DNAH6: variants seen among roughly 807,000 people sequenced by gnomAD.
The protein encoded by DNAH6 is dynein axonemal heavy chain 6, also known as axonemal beta dynein heavy chain 6.
A neutral mutation model predicts 491.4 loss-of-function variants in DNAH6; 340 were observed. The observed-to-expected ratio is 0.69, with a 90% confidence interval of 0.63 to 0.76. The LOEUF (loss-of-function observed/expected upper bound fraction) is 0.76. DNAH6 is among the 30% of genes least tolerant of loss of function. The pLI, the probability that DNAH6 is intolerant of heterozygous loss-of-function variation, is 0.00. For synonymous variants in DNAH6, 1,603 were observed against 1,686.1 expected (o/e 0.95, Z 1.21); for missense variants, 4,443 against 4,972.2 (o/e 0.89, Z 3.20).
At chr2:84,740,720 G>A (rs1335188001) in intron 62 of DNAH6, among the ~76,000 whole-genome samples, 3 of 152,146 alleles carry the variant, frequency 2.0e-5, no homozygotes, top group Non-Finnish European at 2.9e-5. Context: ...GGGACACCCC[G>A]TTATGACCCA....
chr2:84,585,577 A>G (rs1683452511), intron 15 of DNAH6, among the ~76,000 whole-genome samples: 3 of 152,036 alleles, frequency 2.0e-5, no homozygotes, highest in Admixed American at 2.0e-4. Context: ...AGGTTGTCCC[A>G]TCATCTCTGC....
intron 11 of DNAH6, among the ~76,000 whole-genome samples, chr2:84,560,734 T>A (rs1680583758): frequency 6.6e-6 from 1 of 152,164 alleles, no homozygotes; most frequent in Admixed American, 6.5e-5. Flanking sequence ...CTTGTGATAG[T>A]TTACTGAGAA....
upstream of DNAH6, among the ~76,000 whole-genome samples, chr2:84,514,785 T>C (rs570739747): frequency 1.3e-5 from 2 of 152,148 alleles, no homozygotes; most frequent in African/African-American, 4.8e-5. Context: ...TGGAGAGATT[T>C]GATGAGTAGT....
At chr2:84,516,460 C>T (rs935103628), upstream of DNAH6, 1 of 152,196 alleles carries the variant, frequency 6.6e-6, no homozygotes, top group Non-Finnish European at 1.5e-5. Context: ...GCAGTGCTTC[C>T]GTAGAGGCCA....
chr2:84,538,463 A>G (rs1407293406), intron 4 of DNAH6, among the ~76,000 whole-genome samples: 2 of 152,186 alleles, frequency 1.3e-5, no homozygotes, highest in South Asian at 2.1e-4. Flanking sequence ...TCTAACAGAT[A>G]GTTCAGATTG....
Position 84,756,463 on chromosome 2 carries a change from C to A in DNAH6, c.10513-6292C>A, listed in dbSNP as rs73943392. On this transcript the variant is annotated intron_variant, in intron 63 of 76. Coordinates refer to ENST00000389394, the MANE Select transcript of DNAH6 (RefSeq NM_001370.2). ...TCCACTTAACATTCTCTTATTTTTT[C>A]TGTAGGTCTCAGGAACTTGAGTATG... Among the ~76,000 whole-genome samples, 1,008 of 152,206 alleles carry A rather than the reference C, an allele frequency of 6.6e-3. 12 individuals are homozygous for A. Among genetic ancestry groups the A allele is most frequent in the African/African-American group, 0.024 (981 of 41,514 alleles).
At chr2:84,782,984 T>G (rs1415526720) in intron 65 of DNAH6, among the ~76,000 whole-genome samples, 2 of 152,196 alleles carry the variant, frequency 1.3e-5, no homozygotes, top group Non-Finnish European at 2.9e-5. Flanking sequence ...GTATTTTAAG[T>G]GCTTACTAAA....
chr2:84,617,794 G>T (rs1276836169), intron 23 of DNAH6, among the ~76,000 whole-genome samples: 1 of 152,076 alleles, frequency 6.6e-6, no homozygotes, highest in African/African-American at 2.4e-5. Context: ...GGGGATGCAT[G>T]TTAAGCTCTC....
chr2:84,703,565 A>G lies in DNAH6; in HGVS notation c.8229+3A>G, dbSNP rs1384464251. The G allele has an allele frequency of 2.6e-6, 4 of 1,546,114 alleles. No homozygotes were observed. Among genetic ancestry groups the G allele is most frequent in the African/African-American group, 1.4e-5 (1 of 72,842 alleles). On this transcript the variant is annotated splice_donor_region_variant and intron_variant, in intron 50 of 76. Coordinates refer to ENST00000389394, the MANE Select transcript of DNAH6 (RefSeq NM_001370.2). ...TGGATCAAGAAAGTGCCGATCAGGT[A>G]TGCTGCAGTTCCTGAGAATGTGGAA...
Position 84,685,404 on chromosome 2 carries a change from T to G in DNAH6, c.6995T>G (p.Val2332Gly), listed in dbSNP as rs747601160. 5.6e-5 allele frequency: 85 copies of G among 1,527,378 alleles called. No individual in the cohort carries two copies. Among genetic ancestry groups the G allele is most frequent in the Non-Finnish European group, 7.2e-5 (82 of 1,131,918 alleles). The allele number at this position is 1,527,378 out of a possible 1,614,324, so 94.6% of individuals were successfully genotyped here. Residue 2332 changes from valine to glycine, a missense_variant, in exon 43 of 77, where the codon GTC becomes GGC. This residue lies in a region of DNAH6 where 2,977 missense variants were observed against 3,296.6 expected (regional missense o/e 0.90). Transcript: ENST00000389394. Reference protein sequence around the residue: ...FRLFCHECQRVFHDRLINNED... With the variant: ...FRLFCHECQRGFHDRLINNED... ...CTCTTTTGCCATGAGTGCCAAAGGG[T>G]CTTCCATGATCGCTTGATTAATAAT...
At chr2:84,478,907 G>A in the DNAH6 span, among the ~76,000 whole-genome samples, 2 of 152,312 alleles carry the variant, frequency 1.3e-5, no homozygotes, top group Non-Finnish European at 2.9e-5. Context: ...CAGCAGGAAG[G>A]GGAGCTGAAA....
At chr2:84,809,424 T>C (rs1393923249) in intron 72 of DNAH6, among the ~76,000 whole-genome samples, 4 of 152,114 alleles carry the variant, frequency 2.6e-5, no homozygotes, top group Non-Finnish European at 5.9e-5. Flanking sequence ...GGCTTGTTGG[T>C]TAGGCGGGTC....
chr2:84,483,682 T>C, the DNAH6 span, among the ~76,000 whole-genome samples: 1 of 152,170 alleles, frequency 6.6e-6, no homozygotes, highest in Admixed American at 6.5e-5. Flanking sequence ...AAAAACCTTA[T>C]TTTAAAATAA....
intron 4 of DNAH6, among the ~76,000 whole-genome samples, chr2:84,531,099 G>A (rs1180009613): frequency 6.6e-6 from 1 of 152,124 alleles, no homozygotes; most frequent in Non-Finnish European, 1.5e-5. Context: ...TCAAGGCCAA[G>A]ATGGAAAAAC....
intron 64 of DNAH6, 38 bp from the exon 65 acceptor site, chr2:84,781,455 A>C (rs895530817): frequency 6.7e-7 from 1 of 1,495,106 alleles, no homozygotes; most frequent in African/African-American, 1.4e-5. Flanking sequence ...GCTTTAAAAT[A>C]GCATAAGATG....
chr2:84,806,112 G>A (rs72924802), intron 71 of DNAH6, among the ~76,000 whole-genome samples: 2,780 of 152,178 alleles, frequency 0.018, 70 homozygotes, highest in African/African-American at 0.06. Context: ...TAGCCAATAT[G>A]GCTACCTAAA....
Position 84,681,533 on chromosome 2 carries a change from T to G in DNAH6, c.6916+5T>G. 6.6e-7 allele frequency: 1 copy of G among 1,513,048 alleles called. No individual in the cohort carries two copies. Among genetic ancestry groups the G allele is most frequent in the Non-Finnish European group, 8.9e-7 (1 of 1,128,506 alleles). The allele number at this position is 1,513,048 out of a possible 1,614,324, so 93.7% of individuals were successfully genotyped here. On this transcript the variant is annotated splice_donor_5th_base_variant and intron_variant, in intron 42 of 76. Coordinates refer to ENST00000389394, the MANE Select transcript of DNAH6 (RefSeq NM_001370.2). ...ACTTATCCAAATGTGTGCAAGGTAG[T>G]GTACTGAACCCTCGTTTTCTGATCT...
intron 29 of DNAH6, among the ~76,000 whole-genome samples, chr2:84,628,802 A>T (rs922292250): frequency 1.3e-5 from 2 of 152,214 alleles, no homozygotes; most frequent in Non-Finnish European, 2.9e-5. Flanking sequence ...TTTTAAAAAA[A>T]AATACATATT....
chr2:84,470,135 C>G, the DNAH6 span, among the ~76,000 whole-genome samples: 1 of 152,144 alleles, frequency 6.6e-6, no homozygotes, highest in Non-Finnish European at 1.5e-5. Flanking sequence ...TCTTCAGTAT[C>G]ATCCCTTCTG....
Sources: allele counts gnomAD v4.1 joint callset (sites outside exome capture counted in the v4.1 genomes callset), GRCh38; gene constraint gnomAD v4.1.1; regional missense constraint gnomAD v4.1.1; transcripts MANE v1.5; gene names NCBI Gene and HGNC (gene_info 2026-07-23, HGNC 2026-07-21).